METTL22: variants seen among roughly 807,000 people sequenced by gnomAD.
METTL22 encodes the protein methyltransferase 22, Kin17 lysine.
Under a neutral mutation model 48.4 loss-of-function variants are expected in METTL22, and 51 were observed. The ratio of observed to expected loss-of-function variants is 1.05; its 90% confidence interval spans 0.84 to 1.33. METTL22 has a LOEUF of 1.33. Among genes scored for constraint, METTL22 ranks in the 40% most tolerant of loss-of-function variants. The pLI, the probability that METTL22 is intolerant of heterozygous loss-of-function variation, is 0.00. For missense variants in METTL22, 678 were observed against 526.9 expected (o/e 1.29, Z -2.81); for synonymous variants, 255 against 214.1 (o/e 1.19, Z -1.67).
rs1330516619 is a variant in METTL22 at position 8,639,176 on chromosome 16, G to T, written c.772+14G>T. ...CTGCCACTGGAGGTGAGGCCCAGGG[G>T]GTCTTCTGCCAGGGAGGGAGGTTTC... On this transcript the variant is annotated intron_variant, in intron 6 of 10. Coordinates refer to ENST00000381920, the MANE Select transcript of METTL22 (RefSeq NM_024109.4). The T allele has an allele frequency of 6.2e-7, 1 of 1,613,618 alleles. No individual in the cohort carries two copies. The highest frequency in any genetic ancestry group is 1.7e-5 in the Admixed American group (1 of 60,016).
chr16:8,660,102 T>C, the METTL22 span, among the ~76,000 whole-genome samples: 1 of 55,246 alleles, frequency 1.8e-5, no homozygotes, highest in African/African-American at 4.0e-5. Flanking sequence ...CCCCAAAGGG[T>C]ACAGTGATTT....
chr16:8,655,722 G>A, the METTL22 span, among the ~76,000 whole-genome samples: 8 of 152,350 alleles, frequency 5.3e-5, no homozygotes, highest in African/African-American at 1.4e-4. Context: ...GGGCAAGCCC[G>A]CCAGCATTGT....
chr16:8,628,894 C>T lies in METTL22; in HGVS notation c.298C>T (p.Leu100Phe). 6.2e-7 allele frequency: 1 copy of T among 1,614,054 alleles called. No homozygotes were observed. The highest frequency in any genetic ancestry group is 8.5e-7 in the Non-Finnish European group (1 of 1,180,018). The stretch of plus-strand genomic sequence containing the variant: ...TGGCCATGGTAATGAGGGTTTCTCC[C>T]TCCAGGCCGGGACTGACACCACTGG... The part of the protein sequence containing the change: ...GSGHGNEGFS[L>F]QAGTDTTGQE... Residue 100 changes from leucine (L) to phenylalanine (F), a missense_variant, in exon 3 of 11, where the codon CTC becomes TTC. Coordinates refer to ENST00000381920, the MANE Select transcript of METTL22 (RefSeq NM_024109.4).
At position 8,649,575 on chromosome 16, in the gene METTL22, T is replaced by A. The variant is rs2056862028; in HGVS notation, c.*3432T>A. 1 of 151,282 alleles carries A rather than the reference T, an allele frequency of 6.6e-6. No homozygotes were observed. The highest frequency in any genetic ancestry group is 2.4e-5 in the African/African-American group (1 of 41,062). The allele number at this position is 151,282 out of a possible 1,614,324, so 9.4% of individuals were successfully genotyped here. On this transcript the variant is annotated 3_prime_UTR_variant, in exon 11 of 11. Transcript: ENST00000381920. ...GGGAGGCCGAGGTGGGTGGATCACC[T>A]AAGGTCAGGAGTTCGAGACCAGCCT...
Position 8,642,570 on chromosome 16 carries a change from G to C in METTL22, c.1010+5G>C. 1 of 1,613,914 alleles carries C rather than the reference G, an allele frequency of 6.2e-7. No individual in the cohort carries two copies. The highest frequency in any genetic ancestry group is 8.5e-7 in the Non-Finnish European group (1 of 1,179,786). ...CATACTGTCGGTGGAGAAGAGGTGA[G>C]CTTTGCGCCACGGGAACCGTGCTGA... On this transcript the variant is annotated splice_donor_5th_base_variant and intron_variant, in intron 9 of 10. Coordinates refer to ENST00000381920, the MANE Select transcript of METTL22 (RefSeq NM_024109.4).
At chr16:8,644,765 C>T (rs9933132) in intron 10 of METTL22, 40 bp downstream of exon 10, 1,506,113 of 1,509,666 alleles carry the variant, frequency 1, 751,367 homozygotes, top group Non-Finnish European at 1. Flanking sequence ...GGTTGCTTTA[C>T]TGTGAAGCGG....
intron 1 of METTL22, chr16:8,624,072 A>T (rs1567223922): frequency 6.6e-6 from 1 of 152,266 alleles, no homozygotes; most frequent in Non-Finnish European, 1.5e-5. Flanking sequence ...CTGAAGAAAC[A>T]GATGCAGAGA....
At chr16:8,654,844 C>G in the METTL22 span, among the ~76,000 whole-genome samples, 10 of 152,098 alleles carry the variant, frequency 6.6e-5, no homozygotes, top group African/African-American at 9.7e-5. Flanking sequence ...ATGTCCAGAC[C>G]CAGGGGAGTG....
At chr16:8,636,866 T>C (rs1447922289) in intron 5 of METTL22, among the ~76,000 whole-genome samples, 2 of 152,212 alleles carry the variant, frequency 1.3e-5, no homozygotes, top group African/African-American at 4.8e-5. Context: ...TCTTTTTTAG[T>C]ATTTAATTTT....
the METTL22 span, among the ~76,000 whole-genome samples, chr16:8,661,450 T>C: frequency 7.3e-6 from 1 of 136,866 alleles, no homozygotes; most frequent in African/African-American, 2.8e-5. Flanking sequence ...ATCGAGACCA[T>C]CCTGGCTAAA....
Position 8,646,939 on chromosome 16 carries a change from C to T in METTL22, c.*796C>T, listed in dbSNP as rs969797987. 1 of 350,670 alleles carries T rather than the reference C, an allele frequency of 2.9e-6. No individual in the cohort carries two copies. The highest frequency in any genetic ancestry group is 5.6e-6 in the Non-Finnish European group (1 of 178,170). The allele number at this position is 350,670 out of a possible 1,614,324, so 21.7% of individuals were successfully genotyped here. A position where few individuals can be genotyped will look rare whatever the true frequency, so the allele number is the denominator to read the frequency against. Reference sequence around the variant, plus strand: ...TCCTCCCATCTCCACCCCTTCCTGTCATCCTCTATGTCCCACTGTCTCTCT... The same window carrying T: ...TCCTCCCATCTCCACCCCTTCCTGTTATCCTCTATGTCCCACTGTCTCTCT... On this transcript the variant is annotated 3_prime_UTR_variant, in exon 11 of 11. Transcript: ENST00000381920.
intron 9 of METTL22, among the ~76,000 whole-genome samples, chr16:8,644,047 G>T (rs1249284808): frequency 6.6e-6 from 1 of 152,186 alleles, no homozygotes; most frequent in Non-Finnish European, 1.5e-5. Flanking sequence ...AAGGCAAGTG[G>T]CAGGGTTGGG....
chr16:8,659,605 G>A, the METTL22 span, among the ~76,000 whole-genome samples: 1 of 152,200 alleles, frequency 6.6e-6, no homozygotes, highest in Non-Finnish European at 1.5e-5. Flanking sequence ...ATGTCAGGTA[G>A]TGTAAAGAAC....
At chr16:8,635,531 A>G (rs367849405) in intron 5 of METTL22, among the ~76,000 whole-genome samples, 1 of 152,216 alleles carries the variant, frequency 6.6e-6, no homozygotes, top group African/African-American at 2.4e-5. Flanking sequence ...CCCAGTGGCT[A>G]TAAGGCCATT....
chr16:8,646,027 G>T, intron 10 of METTL22, 81 bp from the exon 11 acceptor site: 2 of 1,586,916 alleles, frequency 1.3e-6, no homozygotes, highest in Non-Finnish European at 1.7e-6. Flanking sequence ...TACTCTCCTT[G>T]GTGAATCACT....
At chr16:8,665,761 C>T in the METTL22 span, among the ~76,000 whole-genome samples, 1 of 152,194 alleles carries the variant, frequency 6.6e-6, no homozygotes, top group Non-Finnish European at 1.5e-5. Context: ...AGGGCTTCTC[C>T]CCAAGGAGCT....
At chr16:8,644,456 G>A (rs1328441447) in intron 9 of METTL22, 101 bp from the exon 10 acceptor site, 2 of 1,205,308 alleles carry the variant, frequency 1.7e-6, no homozygotes, top group East Asian at 5.1e-5. Flanking sequence ...CCGTCCAGGG[G>A]ATATGAGATC....
the METTL22 span, among the ~76,000 whole-genome samples, chr16:8,655,022 G>A: frequency 6.6e-6 from 1 of 152,192 alleles, no homozygotes; most frequent in Non-Finnish European, 1.5e-5. Flanking sequence ...CAAACCTGCT[G>A]GGCCTCTTCC....
chr16:8,654,450 A>T (rs895666397), downstream of METTL22, among the ~76,000 whole-genome samples: 5 of 152,330 alleles, frequency 3.3e-5, no homozygotes, highest in African/African-American at 1.2e-4. Flanking sequence ...TTTGCCCTTT[A>T]TGTTATATAC....
Sources: gnomAD v4.1 joint callset for allele counts (sites outside exome capture counted in the v4.1 genomes callset) on GRCh38, gnomAD v4.1.1 for gene constraint, MANE v1.5 for transcripts, NCBI Gene and HGNC (gene_info 2026-07-23, HGNC 2026-07-21) for gene names.